Variants in HOXD11 observed in about 807,000 individuals in gnomAD.
HOXD11 encodes the protein homeobox D11.
In HOXD11, 16 loss-of-function variants were observed where a neutral mutation model predicts 23.1. The ratio of observed to expected loss-of-function variants is 0.69; its 90% CI spans 0.47 to 1.05. The LOEUF is 1.05. Among genes scored for constraint, HOXD11 ranks in the 50% least tolerant of loss-of-function variants. The pLI, the probability that HOXD11 is intolerant of heterozygous loss-of-function variation, is 0.00. For missense variants in HOXD11, 564 were observed against 495.6 expected (o/e 1.14, Z -1.31); for synonymous variants, 262 against 224.4 (o/e 1.17, Z -1.50).
downstream of HOXD11, among the ~76,000 whole-genome samples, chr2:176,114,715 T>C (rs1368852723): frequency 3.3e-5 from 5 of 152,082 alleles, no homozygotes; most frequent in African/African-American, 4.8e-5. Flanking sequence ...GGCTACTAGG[T>C]CCCCCAGAAT....
intron 1 of HOXD11, 39 bp from the exon 2 acceptor site, chr2:176,108,868 C>T: frequency 6.8e-6 from 10 of 1,468,402 alleles, no homozygotes; most frequent in Non-Finnish European, 9.5e-6. Flanking sequence ...GGCTGTCAGG[C>T]AGCGGCCTCT....
In HOXD11 at chr2:176,109,115, G is replaced by A. The variant is rs1262016079; in HGVS notation, c.990G>A (p.Gln330=). ...KEKKLNRDRL[Q]YFTGNPLF is the part of the protein sequence containing the mutation. ...AGAAACTGAACAGAGACCGTCTGCA[G>A]TATTTCACTGGAAACCCCTTATTTT... Residue 330 remains glutamine, a synonymous_variant, in exon 2 of 2, where the codon CAG becomes CAA. Coordinates refer to ENST00000249504, the MANE Select transcript of HOXD11 (RefSeq NM_021192.3). The A allele has an allele frequency of 6.2e-7, 1 of 1,613,514 alleles. No homozygotes were observed. Among genetic ancestry groups the A allele is most frequent in the South Asian group, 1.1e-5 (1 of 91,058 alleles).
At chr2:176,111,838 A>ACAAAC (rs1559115512), downstream of HOXD11, among the ~76,000 whole-genome samples, 4 of 147,902 alleles carry the variant, frequency 2.7e-5, no homozygotes, top group African/African-American at 1.0e-4. Flanking sequence ...AAAAAAAAAA[A>ACAAAC]AAAAAAAAAA....
chr2:176,108,896 T>C lies in HOXD11; in HGVS notation c.782-11T>C, dbSNP rs1689632454. The C allele has an allele frequency of 6.2e-7, 1 of 1,603,090 alleles. No homozygotes were observed. Among genetic ancestry groups the C allele is most frequent in the East Asian group, 2.2e-5 (1 of 44,778 alleles). ...CGGCCTCTCTCACCCCCTGGTCTCT[T>C]TGCCTTGCAGTTGCCCCCCAGCGGT... is the stretch of plus-strand genomic sequence containing the variant. On this transcript the variant is annotated splice_polypyrimidine_tract_variant and intron_variant, in intron 1 of 1. Coordinates refer to ENST00000249504, the MANE Select transcript of HOXD11 (RefSeq NM_021192.3).
In HOXD11 at chr2:176,108,659, CTGTGTGTG is replaced by C. The variant is rs56323681; in HGVS notation, c.782-216_782-209del. ...TGCTTCCCCACCTCCGTGCCAGGCT[CTGTGTGTG>C]TGTGTGTGTGTGTGTGTGTGTGTGT... On this transcript the variant is annotated intron_variant, in intron 1 of 1. Coordinates refer to ENST00000249504, the MANE Select transcript of HOXD11 (RefSeq NM_021192.3). 9.9e-3 allele frequency: 3,217 copies of C among 326,004 alleles called. 75 individuals carry two copies. Among genetic ancestry groups the C allele is most frequent in the African/African-American group, 0.062 (2,766 of 44,748 alleles). The allele number at this position is 326,004 out of a possible 1,614,324, so 20.2% of individuals were successfully genotyped here.
the HOXD11 span, among the ~76,000 whole-genome samples, chr2:176,115,613 G>A: frequency 7.9e-5 from 12 of 152,332 alleles, no homozygotes; most frequent in East Asian, 2.3e-3. Context: ...ATGTAGATGA[G>A]AATTTTATTG....
chr2:176,107,832 C>T lies in HOXD11; in HGVS notation c.477C>T (p.Gly159=). ...AAPGPPHGPA[G]AASNFYSAVG... is the part of the protein sequence containing the mutation. Reference sequence around the variant, plus strand: ...CGGGGCCGCCGCACGGCCCCGCGGGCGCCGCCTCCAACTTCTACAGCGCGG... The same window carrying T: ...CGGGGCCGCCGCACGGCCCCGCGGGTGCCGCCTCCAACTTCTACAGCGCGG... The change falls in exon 1 of 2, where the codon GGC becomes GGT. Residue 159 remains glycine, a synonymous_variant. Coordinates refer to ENST00000249504, the MANE Select transcript of HOXD11 (RefSeq NM_021192.3). 13 of 1,429,002 alleles carry T rather than the reference C, an allele frequency of 9.1e-6. No individual in the cohort carries two copies. The highest frequency in any genetic ancestry group is 1.4e-5 in the South Asian group (1 of 72,310). 88.5% of individuals were successfully genotyped at this position (1,429,002 alleles called of 1,614,324 possible).
chr2:176,107,799 C>G lies in HOXD11; in HGVS notation c.444C>G (p.Cys148Trp). 1 of 1,384,654 alleles carries G rather than the reference C, an allele frequency of 7.2e-7. No individual in the cohort carries two copies. The highest frequency in any genetic ancestry group is 9.4e-7 in the Non-Finnish European group (1 of 1,069,020). The allele number at this position is 1,384,654 out of a possible 1,614,324, so 85.8% of individuals were successfully genotyped here. ...DVLFKAPEPV[C>W]AAPGPPHGPA... ...TCTTCAAGGCGCCTGAGCCGGTGTG[C>G]GCTGCGCCGGGGCCGCCGCACGGCC... is the stretch of plus-strand genomic sequence containing the variant. The change falls in exon 1 of 2, where the codon TGC becomes TGG. Residue 148 changes from cysteine (C) to tryptophan (W), a missense_variant. Coordinates refer to ENST00000249504, the MANE Select transcript of HOXD11 (RefSeq NM_021192.3).
At chr2:176,114,686 T>A (rs1201071290), downstream of HOXD11, among the ~76,000 whole-genome samples, 1 of 151,968 alleles carries the variant, frequency 6.6e-6, no homozygotes, top group Non-Finnish European at 1.5e-5. Context: ...TGGGAAAGGT[T>A]TTTGTAAAGG....
downstream of HOXD11, among the ~76,000 whole-genome samples, chr2:176,112,113 C>A (rs1242044649): frequency 2.6e-5 from 4 of 152,072 alleles, no homozygotes; most frequent in Non-Finnish European, 4.4e-5. Flanking sequence ...AGCAGGCACT[C>A]GGGGGAAACG....
At chr2:176,111,843 A>AAAAAAAAC (rs1559115548), downstream of HOXD11, among the ~76,000 whole-genome samples, 30 of 148,206 alleles carry the variant, frequency 2.0e-4, no homozygotes, top group African/African-American at 7.4e-4. Flanking sequence ...AAAAAAAAAA[A>AAAAAAAAC]AAAAAACCTT....
chr2:176,111,394 T>G (rs564614815), downstream of HOXD11: 2 of 151,728 alleles, frequency 1.3e-5, no homozygotes, highest in Non-Finnish European at 2.9e-5. Context: ...GGCCTGGAGA[T>G]CCACACGAGG....
downstream of HOXD11, among the ~76,000 whole-genome samples, chr2:176,113,555 A>G (rs1689705179): frequency 6.6e-6 from 1 of 152,254 alleles, no homozygotes; most frequent in African/African-American, 2.4e-5. Context: ...GCTGGCCTGT[A>G]GAGCACGGCC....
At position 176,108,054 on chromosome 2, in the gene HOXD11, G is replaced by A. The variant is rs768077726; in HGVS notation, c.699G>A (p.Glu233=). The part of the protein sequence containing the change: ...SPCTKATPGS[E]PKGAAEGSGG... Reference sequence around the variant, plus strand: ...GCACCAAGGCGACCCCTGGCTCGGAGCCCAAGGGGGCAGCAGAAGGCAGCG... The same window carrying A: ...GCACCAAGGCGACCCCTGGCTCGGAACCCAAGGGGGCAGCAGAAGGCAGCG... Residue 233 remains glutamate (E), a synonymous_variant, in exon 1 of 2, where the codon GAG becomes GAA. Coordinates refer to ENST00000249504, the MANE Select transcript of HOXD11 (RefSeq NM_021192.3). The A allele has an allele frequency of 4.7e-6, 7 of 1,488,950 alleles. No homozygotes were observed. Among genetic ancestry groups the A allele is most frequent in the Non-Finnish European group, 6.2e-6 (7 of 1,125,686 alleles). The allele number at this position is 1,488,950 out of a possible 1,614,324, so 92.2% of individuals were successfully genotyped here.
At chr2:176,111,220 G>A (rs1225131279), downstream of HOXD11, among the ~76,000 whole-genome samples, 3 of 152,176 alleles carry the variant, frequency 2.0e-5, no homozygotes, top group African/African-American at 7.2e-5. Flanking sequence ...CTAGACATCG[G>A]TTAAAATGTC....
At chr2:176,110,600 T>G (rs1190003157), downstream of HOXD11, among the ~76,000 whole-genome samples, 1 of 152,236 alleles carries the variant, frequency 6.6e-6, no homozygotes, top group Non-Finnish European at 1.5e-5. Context: ...AGTGCATAAA[T>G]GTATGCCTTT....
chr2:176,114,007 C>T (rs144075606), downstream of HOXD11, among the ~76,000 whole-genome samples: 90 of 152,326 alleles, frequency 5.9e-4, no homozygotes, highest in Middle Eastern at 3.4e-3. Flanking sequence ...TATGAAAGGG[C>T]ATTTGATGGG....
At chr2:176,114,344 G>T (rs577425913), downstream of HOXD11, among the ~76,000 whole-genome samples, 74 of 152,056 alleles carry the variant, frequency 4.9e-4, no homozygotes, top group Non-Finnish European at 7.9e-4. Context: ...TTGTTTTTCC[G>T]GCCATCCTCA....
chr2:176,109,164 C>A lies in HOXD11; in HGVS notation c.*22C>A. ...TTGAGAGCTCCAGGAAGCGCCCTCA[C>A]CCCAGCCCCACTCACCCACCCTCCT... On this transcript the variant is annotated 3_prime_UTR_variant, in exon 2 of 2. Transcript: ENST00000249504. 1 of 1,472,608 alleles carries A rather than the reference C, an allele frequency of 6.8e-7. No homozygotes were observed. The highest frequency in any genetic ancestry group is 9.5e-7 in the Non-Finnish European group (1 of 1,051,980). The allele number at this position is 1,472,608 out of a possible 1,614,324, so 91.2% of individuals were successfully genotyped here.
Sources: gnomAD v4.1 joint callset for allele counts (sites outside exome capture counted in the v4.1 genomes callset) on GRCh38, gnomAD v4.1.1 for gene constraint, MANE v1.5 for transcripts, NCBI Gene and HGNC (gene_info 2026-07-23, HGNC 2026-07-21) for gene names.